DLGAP1: variants seen among roughly 807,000 people sequenced by gnomAD.
DLGAP1 encodes disks large-associated protein 1.
Under a neutral mutation model 90.8 loss-of-function variants are expected in DLGAP1, and 11 were observed. The ratio of observed to expected loss-of-function variants is 0.12; its 90% confidence interval spans 0.08 to 0.20. DLGAP1 has a LOEUF of 0.20. DLGAP1 is among the 10% of genes least tolerant of loss of function. DLGAP1 has a pLI of 1.00. For missense variants in DLGAP1, 1,050 were observed against 1,333.8 expected, an observed-to-expected ratio of 0.79 and a Z score of 3.31; for synonymous variants, 558 against 540.7, an observed-to-expected ratio of 1.03 and a Z score of -0.44.
intron 2 of DLGAP1, among the ~76,000 whole-genome samples, chr18:4,096,613 G>C (rs563774686): frequency 1.3e-5 from 2 of 151,464 alleles, no homozygotes; most frequent in East Asian, 3.9e-4. Context: ...ATTTCCTTTG[G>C]ACCCTCCCAG....
At chr18:4,099,613 G>T (rs1241844401) in intron 2 of DLGAP1, among the ~76,000 whole-genome samples, 1 of 152,010 alleles carries the variant, frequency 6.6e-6, no homozygotes, top group Admixed American at 6.5e-5. Context: ...TGCGGTGAAG[G>T]GTTTTACCTC....
At chr18:3,583,848 T>C (rs940823486) in intron 7 of DLGAP1, among the ~76,000 whole-genome samples, 2 of 152,156 alleles carry the variant, frequency 1.3e-5, no homozygotes, top group Non-Finnish European at 2.9e-5. Context: ...CTTGGGAGAC[T>C]GAGGTAGCAG....
chr18:4,425,960 A>G (rs1400414037), intron 1 of DLGAP1, among the ~76,000 whole-genome samples: 1 of 152,210 alleles, frequency 6.6e-6, no homozygotes, highest in Non-Finnish European at 1.5e-5. Flanking sequence ...TCCTCTTCTA[A>G]CAGCCAATTG....
intron 9 of DLGAP1, among the ~76,000 whole-genome samples, chr18:3,558,398 A>G (rs1483051094): frequency 1.3e-5 from 2 of 151,922 alleles, no homozygotes; most frequent in African/African-American, 4.8e-5. Context: ...ACACCCGGCT[A>G]TTTTTTGTAT....
intron 1 of DLGAP1, among the ~76,000 whole-genome samples, chr18:4,240,614 G>T (rs2078513845): frequency 6.6e-6 from 1 of 152,118 alleles, no homozygotes; most frequent in African/African-American, 2.4e-5. Context: ...AGATAACTAT[G>T]AAAATGAAAC....
intron 1 of DLGAP1, among the ~76,000 whole-genome samples, chr18:4,181,081 C>G (rs765234885): frequency 6.6e-6 from 1 of 152,120 alleles, no homozygotes; most frequent in African/African-American, 2.4e-5. Flanking sequence ...GACTATTTGA[C>G]CTAACTTAGT....
At chr18:4,428,437 C>G (rs1235161087) in intron 1 of DLGAP1, among the ~76,000 whole-genome samples, 2 of 151,616 alleles carry the variant, frequency 1.3e-5, no homozygotes, top group African/African-American at 4.9e-5. Flanking sequence ...CAAAAATTAG[C>G]TGGGCATGGT....
intron 1 of DLGAP1, among the ~76,000 whole-genome samples, chr18:4,236,282 A>C (rs2078413149): frequency 6.6e-6 from 1 of 152,208 alleles, no homozygotes. Flanking sequence ...AGTGTTGGAC[A>C]TAATTGTAAT....
intron 5 of DLGAP1, among the ~76,000 whole-genome samples, chr18:3,791,507 C>T (rs1009101523): frequency 6.8e-6 from 1 of 147,784 alleles, no homozygotes; most frequent in African/African-American, 2.5e-5. Context: ...AGGTGATGTG[C>T]ACATGTGCGT....
At chr18:4,259,505 T>C (rs1402477537) in intron 1 of DLGAP1, among the ~76,000 whole-genome samples, 1 of 152,186 alleles carries the variant, frequency 6.6e-6, no homozygotes, top group Non-Finnish European at 1.5e-5. Context: ...GATTGTGATC[T>C]GAAATTTTTA....
intron 2 of DLGAP1, among the ~76,000 whole-genome samples, chr18:4,096,056 C>T (rs1262791936): frequency 3.3e-5 from 5 of 152,090 alleles, no homozygotes; most frequent in African/African-American, 7.2e-5. Context: ...GACAAAGTCT[C>T]GCTTTGTCGG....
intron 2 of DLGAP1, among the ~76,000 whole-genome samples, chr18:4,019,820 C>A (rs2074580349): frequency 1.4e-5 from 2 of 141,716 alleles, no homozygotes; most frequent in Admixed American, 1.4e-4. Context: ...TGCGCGCACA[C>A]ACACACACAT....
chr18:3,941,219 T>C (rs2072760818), intron 3 of DLGAP1, among the ~76,000 whole-genome samples: 1 of 152,190 alleles, frequency 6.6e-6, no homozygotes, highest in African/African-American at 2.4e-5. Context: ...ACACTTACCT[T>C]TGATTGAATT....
intron 2 of DLGAP1, among the ~76,000 whole-genome samples, chr18:4,135,434 T>C (rs1294585294): frequency 6.6e-6 from 1 of 152,206 alleles, no homozygotes; most frequent in Non-Finnish European, 1.5e-5. Flanking sequence ...AGGCAGTAAT[T>C]CAGACTATGT....
chr18:4,256,902 A>G (rs919523033), intron 1 of DLGAP1, among the ~76,000 whole-genome samples: 4 of 152,122 alleles, frequency 2.6e-5, no homozygotes, highest in Admixed American at 6.5e-5. Flanking sequence ...GGAAAGGAGG[A>G]GAAGGACCAT....
At chr18:3,634,216 C>T (rs1202188786) in intron 7 of DLGAP1, among the ~76,000 whole-genome samples, 1 of 145,298 alleles carries the variant, frequency 6.9e-6, no homozygotes, top group African/African-American at 2.6e-5. Flanking sequence ...CTTTGAACAT[C>T]CCCCCCCACT....
chr18:3,863,550 T>C (rs2070209527), intron 4 of DLGAP1, among the ~76,000 whole-genome samples: 1 of 152,244 alleles, frequency 6.6e-6, no homozygotes, highest in Non-Finnish European at 1.5e-5. Context: ...TTTAGGTCTC[T>C]GAGGGTGGCC....
At chr18:3,934,503 G>A (rs2072590381) in intron 3 of DLGAP1, among the ~76,000 whole-genome samples, 1 of 152,124 alleles carries the variant, frequency 6.6e-6, no homozygotes, top group Non-Finnish European at 1.5e-5. Flanking sequence ...GAGATAAGAA[G>A]AGTGGCAGAC....
In DLGAP1 at chr18:3,724,599, T is replaced by C. The variant is rs1371426907; in HGVS notation, c.1591+4536A>G. Among the ~76,000 whole-genome samples the C allele has an allele frequency of 2.0e-5, 3 of 149,222 alleles. No homozygotes were observed. The East Asian group carries it at 6.0e-4, about 30-fold the overall frequency. On this transcript the variant is annotated intron_variant, in intron 7 of 12. Transcript: ENST00000315677. ...TCTCTACCAAAAATACAAAAAATTA[T>C]CCGGGTGTGGTGGCATGTGCCTGTA...
Sources: gnomAD v4.1 joint callset for allele counts (sites outside exome capture counted in the v4.1 genomes callset) on GRCh38, gnomAD v4.1.1 for gene constraint, MANE v1.5 for transcripts, NCBI Gene and HGNC (gene_info 2026-07-23, HGNC 2026-07-21) for gene names.